The following ERLIN2 variants were observed in gnomAD, a reference collection of about 807,000 sequenced individuals.
The protein encoded by ERLIN2 is ER lipid raft associated 2, also known as erlin-2.
Under a neutral mutation model 41.5 loss-of-function variants are expected in ERLIN2, and 22 were observed. The observed-to-expected ratio is 0.53, with a 90% CI of 0.38 to 0.76. The LOEUF is 0.76. Ranked by LOEUF, ERLIN2 falls within the 30% of genes least tolerant of loss-of-function variation. The pLI is 0.00. For missense variants in ERLIN2, 247 were observed against 414.3 expected (o/e 0.60, Z 3.51); for synonymous variants, 149 against 150.9 (o/e 0.99, Z 0.09).
Position 37,754,248 on chromosome 8 carries a change from C to T in ERLIN2, c.*133C>T. On this transcript the variant is annotated 3_prime_UTR_variant, in exon 12 of 12. Coordinates refer to ENST00000519638, the MANE Select transcript of ERLIN2 (RefSeq NM_007175.8). Reference sequence around the variant, plus strand: ...ACTGTGGTGAAAAAGAAGAAATGAACTTAAATCCACTCCCTTTCTAGGGAA... The same window carrying T: ...ACTGTGGTGAAAAAGAAGAAATGAATTTAAATCCACTCCCTTTCTAGGGAA... 1.3e-6 allele frequency: 1 copy of T among 764,516 alleles called. No homozygotes were observed. Among genetic ancestry groups the T allele is most frequent in the Non-Finnish European group, 2.3e-6 (1 of 441,082 alleles). 47.4% of individuals were successfully genotyped at this position (764,516 alleles called of 1,614,324 possible).
At chr8:37,747,886 A>C in intron 6 of ERLIN2, 1 of 1,614,030 alleles carries the variant, frequency 6.2e-7, no homozygotes, top group Non-Finnish European at 8.5e-7. Context: ...ACAGTCCAGC[A>C]CTAGGACCAC....
Position 37,747,681 on chromosome 8 carries a change from A to T in ERLIN2, c.425-1878A>T, listed in dbSNP as rs772447585. ...CATCCACAATGAAGGTAACGGGAGC[A>T]TTCTTCGGCTGGGATTGGTAGAAGA... On this transcript the variant is annotated intron_variant, in intron 6 of 11. Coordinates refer to ENST00000519638, the MANE Select transcript of ERLIN2 (RefSeq NM_007175.8). 4 of 1,596,950 alleles carry T rather than the reference A, an allele frequency of 2.5e-6. No homozygotes were observed. The East Asian group carries it at 6.7e-5, about 27-fold the overall frequency.
rs16887018 is a variant in ERLIN2, at chr8:37,744,590, C to T, written c.318C>T (p.Asn106=). ...TCTCAGTGTATGATATAGTGAAGAA[C>T]TATACTGCTGACTATGACAAGGCCC... ...VPNAVYDIVK[N]YTADYDKALI... The change falls in exon 6 of 12, where the codon AAC becomes AAT. Residue 106 remains asparagine, a synonymous_variant. Coordinates refer to ENST00000519638, the MANE Select transcript of ERLIN2 (RefSeq NM_007175.8). 4.7e-3 allele frequency: 7,510 copies of T among 1,614,062 alleles called. 270 individuals are homozygous for T. The African/African-American group carries it at 0.082, about 18-fold the overall frequency.
rs757078295 is a variant in ERLIN2, at chr8:37,757,467, C to G, written c.*3352C>G. On this transcript the variant is annotated 3_prime_UTR_variant, in exon 12 of 12. Coordinates refer to ENST00000519638, the MANE Select transcript of ERLIN2 (RefSeq NM_007175.8). The stretch of plus-strand genomic sequence containing the variant: ...TGATGATTAAGTAGGCAAACTACTT[C>G]TACTTTCAAAGAGCCCCAAGGGCTT... 6.6e-6 allele frequency: 1 copy of G among 152,036 alleles called. No homozygotes were observed. Among genetic ancestry groups the G allele is most frequent in the Admixed American group, 6.5e-5 (1 of 15,270 alleles). 9.4% of individuals were successfully genotyped at this position (152,036 alleles called of 1,614,324 possible). A position where few individuals can be genotyped will look rare whatever the true frequency, so the allele number is the denominator to read the frequency against.
In ERLIN2 at chr8:37,736,674, G is replaced by C. The variant is rs902037555; in HGVS notation, c.-20G>C. ...CGAGTACGGAGCGCCTGCAGGGACA[G>C]CCTGGTACGCGGCCCCCGCCCCTTC... On this transcript the variant is annotated 5_prime_UTR_variant, in exon 1 of 12. Coordinates refer to ENST00000519638, the MANE Select transcript of ERLIN2 (RefSeq NM_007175.8). 1 of 985,552 alleles carries C rather than the reference G, an allele frequency of 1.0e-6. No individual in the cohort carries two copies. The highest frequency in any genetic ancestry group is 1.7e-5 in the African/African-American group (1 of 57,258). 61.1% of individuals were successfully genotyped at this position (985,552 alleles called of 1,614,324 possible).
rs1003457356 is a variant in ERLIN2, at chr8:37,756,141, A to T, written c.*2026A>T. The T allele has an allele frequency of 6.6e-6, 1 of 152,270 alleles. No individual in the cohort carries two copies. The highest frequency in any genetic ancestry group is 2.4e-5 in the African/African-American group (1 of 41,444). 9.4% of individuals were successfully genotyped at this position (152,270 alleles called of 1,614,324 possible). ...GAGGCAGAGGTTGCAGTGAGCCAAG[A>T]TCATGCCATCCCACTCTAGCTTGGG... is the stretch of plus-strand genomic sequence containing the variant. On this transcript the variant is annotated 3_prime_UTR_variant, in exon 12 of 12. Coordinates refer to ENST00000519638, the MANE Select transcript of ERLIN2 (RefSeq NM_007175.8).
chr8:37,745,672 ATTAAGC>A, intron 6 of ERLIN2: 1 of 1,612,572 alleles, frequency 6.2e-7, no homozygotes, highest in Non-Finnish European at 8.5e-7. Context: ...AGCAATCATA[ATTAAGC>A]AAACCGCCTT....
rs1265121466 is a variant in ERLIN2, at chr8:37,758,203, G to T, written c.*4088G>T. ...GGCTTTCTCAGGTTTTTTTTAACAG[G>T]GATCCCAAGCTTTTTCTATTGGTTT... On this transcript the variant is annotated 3_prime_UTR_variant, in exon 12 of 12. Coordinates refer to ENST00000519638, the MANE Select transcript of ERLIN2 (RefSeq NM_007175.8). 3 of 151,994 alleles carry T rather than the reference G, an allele frequency of 2.0e-5. No individual in the cohort carries two copies. The highest frequency in any genetic ancestry group is 2.0e-4 in the Admixed American group (3 of 15,262). 9.4% of individuals were successfully genotyped at this position (151,994 alleles called of 1,614,324 possible).
rs1054341847 is a variant in ERLIN2 at position 37,758,318 on chromosome 8, T to C, written c.*4203T>C. On this transcript the variant is annotated 3_prime_UTR_variant, in exon 12 of 12. Coordinates refer to ENST00000519638, the MANE Select transcript of ERLIN2 (RefSeq NM_007175.8). ...TGCAGTTAGACTGCCAAAGTTCAAA[T>C]CACTGCTCTACTACTTCTTAGGTGT... 1 of 152,226 alleles carries C rather than the reference T, an allele frequency of 6.6e-6. No individual in the cohort carries two copies. The highest frequency in any genetic ancestry group is 1.5e-5 in the Non-Finnish European group (1 of 68,042). 9.4% of individuals were successfully genotyped at this position (152,226 alleles called of 1,614,324 possible). A position where few individuals can be genotyped will look rare whatever the true frequency, so the allele number is the denominator to read the frequency against.
rs532036003 is a variant in ERLIN2, at chr8:37,744,723, G to A, written c.424+27G>A. On this transcript the variant is annotated intron_variant, in intron 6 of 11. Coordinates refer to ENST00000519638, the MANE Select transcript of ERLIN2 (RefSeq NM_007175.8). Reference sequence around the variant, plus strand: ...TAAGAAAGTCTCTCCTGAGCATGCCGTGCTTAAGCAGGGTTCCTGGAACCC... The same window carrying A: ...TAAGAAAGTCTCTCCTGAGCATGCCATGCTTAAGCAGGGTTCCTGGAACCC... The A allele has an allele frequency of 9.3e-6, 15 of 1,614,014 alleles. 1 individual carries two copies. The highest frequency in any genetic ancestry group is 4.4e-5 in the South Asian group (4 of 91,080).
At position 37,756,034 on chromosome 8, in the gene ERLIN2, G is replaced by A. The variant is rs1803351054; in HGVS notation, c.*1919G>A. 1 of 152,108 alleles carries A rather than the reference G, an allele frequency of 6.6e-6. No individual in the cohort carries two copies. The highest frequency in any genetic ancestry group is 1.5e-5 in the Non-Finnish European group (1 of 68,088). 9.4% of individuals were successfully genotyped at this position (152,108 alleles called of 1,614,324 possible). On this transcript the variant is annotated 3_prime_UTR_variant, in exon 12 of 12. Coordinates refer to ENST00000519638, the MANE Select transcript of ERLIN2 (RefSeq NM_007175.8). ...CGAAACCCCATCTCTACGAAAAATA[G>A]AAATATTAGCCGGGCATGGTGTCAG...
chr8:37,745,525 GTAAA>G, intron 6 of ERLIN2: 1 of 1,603,000 alleles, frequency 6.2e-7, no homozygotes, highest in Non-Finnish European at 8.5e-7. Context: ...AATGCCAAAA[GTAAA>G]TGAATTTTTA....
chr8:37,749,517 A>G (rs756505755), intron 6 of ERLIN2, 42 bp from the exon 7 acceptor site: 4 of 1,401,420 alleles, frequency 2.9e-6, no homozygotes, highest in Non-Finnish European at 4.1e-6. Flanking sequence ...CTCATCTAGA[A>G]AGTGTAACAA....
intron 6 of ERLIN2, chr8:37,744,939 C>T (rs1393642694): frequency 3.1e-6 from 2 of 637,502 alleles, no homozygotes; most frequent in South Asian, 1.8e-5. Context: ...GTAGAGTATT[C>T]ACTTCTGGCC....
chr8:37,742,083 C>G (rs987698827), intron 4 of ERLIN2, among the ~76,000 whole-genome samples: 7 of 152,002 alleles, frequency 4.6e-5, no homozygotes, highest in Non-Finnish European at 8.8e-5. Context: ...GTGGCTCACA[C>G]CTGTAATCCC....
Position 37,744,592 on chromosome 8 carries a change from A to G in ERLIN2, c.320A>G (p.Tyr107Cys). 1 of 1,614,130 alleles carries G rather than the reference A, an allele frequency of 6.2e-7. No individual in the cohort carries two copies. The highest frequency in any genetic ancestry group is 8.5e-7 in the Non-Finnish European group (1 of 1,180,014). ...PNAVYDIVKN[Y>C]TADYDKALIF... ...TCAGTGTATGATATAGTGAAGAACT[A>G]TACTGCTGACTATGACAAGGCCCTC... Residue 107 changes from tyrosine (Y) to cysteine (C), a missense_variant, in exon 6 of 12, where the codon TAT (tyrosine) becomes TGT (cysteine). Tyr to Cys is a radical substitution (Grantham distance 194). Transcript: ENST00000519638.
rs774702365 is a variant in ERLIN2, at chr8:37,747,573, C to G, written c.425-1986C>G. 6 of 1,612,298 alleles carry G rather than the reference C, an allele frequency of 3.7e-6. No individual in the cohort carries two copies. The East Asian group carries it at 1.3e-4, about 36-fold the overall frequency. ...TGCCCATGTCTTTGGTCCGTTTGGT[C>G]ATCATCACCTTCTTAGGAGGCTCTT... On this transcript the variant is annotated intron_variant, in intron 6 of 11. Transcript: ENST00000519638.
intron 6 of ERLIN2, chr8:37,747,648 G>T (rs1439108041): frequency 2.5e-6 from 4 of 1,607,468 alleles, no homozygotes; most frequent in Non-Finnish European, 3.4e-6. Context: ...CAAACTTGAC[G>T]ACTGCTCCAT....
chr8:37,738,111 C>T, intron 2 of ERLIN2, 82 bp downstream of exon 2: 1 of 1,497,220 alleles, frequency 6.7e-7, no homozygotes, highest in Non-Finnish European at 9.3e-7. Context: ...GCAGATTCTG[C>T]TGAACATCTC....
Sources: allele counts gnomAD v4.1 joint callset (sites outside exome capture counted in the v4.1 genomes callset), GRCh38; gene constraint gnomAD v4.1.1; transcripts MANE v1.5; gene names NCBI Gene and HGNC (gene_info 2026-07-23, HGNC 2026-07-21).